Variants in RAPGEF5 observed in about 807,000 individuals in gnomAD.
The protein encoded by RAPGEF5 is Rap guanine nucleotide exchange factor 5.
A neutral mutation model predicts 125.2 loss-of-function variants in RAPGEF5; 65 were observed. The ratio of observed to expected loss-of-function variants is 0.52; its 90% CI spans 0.43 to 0.64. The LOEUF (loss-of-function observed/expected upper bound fraction) is 0.64, where lower values mean the gene tolerates loss of function less well. RAPGEF5 is among the 30% of genes least tolerant of loss of function. The pLI is 0.00. For missense variants in RAPGEF5, 958 were observed against 1,048.1 expected (o/e 0.91, Z 1.19); for synonymous variants, 391 against 385.9 (o/e 1.01, Z -0.16).
In RAPGEF5 at chr7:22,290,622, G is replaced by A. The variant is rs962841613; in HGVS notation, c.747+553C>T. 2.4e-4 allele frequency among the ~76,000 whole-genome samples: 36 copies of A among 151,086 alleles called. No homozygotes were observed. In the East Asian group the frequency reaches 4.5e-3, roughly 19 times the overall value. On this transcript the variant is annotated intron_variant, in intron 6 of 25. Transcript: ENST00000665637. ...TAGCCGGGCGTAGTGGCGGGCGCCT[G>A]TAGTCCCAGCTACTTGGGAGGCTGA...
At position 22,158,084 on chromosome 7, in the gene RAPGEF5, A is replaced by C. The variant is rs141383946; in HGVS notation, c.1527-199T>G. ...TTTCAAATGAGCCAGGAAGTAAAGA[A>C]GTTATGGATTCAACAGATGTACTTT... On this transcript the variant is annotated intron_variant, in intron 14 of 25. Coordinates refer to ENST00000665637, the MANE Select transcript of RAPGEF5 (RefSeq NM_012294.5). Among the ~76,000 whole-genome samples the C allele has an allele frequency of 4.4e-3, 676 of 152,350 alleles. 6 individuals carry two copies. The highest frequency in any genetic ancestry group is 0.016 in the African/African-American group (651 of 41,586).
chr7:22,296,599 G>GTGGTTATGTTA (rs1562514680), intron 5 of RAPGEF5, among the ~76,000 whole-genome samples: 1 of 150,672 alleles, frequency 6.6e-6, no homozygotes, highest in Non-Finnish European at 1.5e-5. Context: ...ATAAAAAAAA[G>GTGGTTATGTTA]TGGTTATGTT....
chr7:22,328,297 T>G, intron 1 of RAPGEF5, among the ~76,000 whole-genome samples: 1 of 152,342 alleles, frequency 6.6e-6, no homozygotes, highest in South Asian at 2.1e-4. Context: ...CTTTTGGACA[T>G]GGGCTATTTC....
chr7:22,273,461 G>A (rs971437628), intron 6 of RAPGEF5, among the ~76,000 whole-genome samples: 21 of 151,398 alleles, frequency 1.4e-4, no homozygotes, highest in Admixed American at 2.6e-4. Flanking sequence ...CTTGTGATCC[G>A]CCCGCCTCGG....
chr7:22,181,656 C>T (rs917370015), intron 11 of RAPGEF5, among the ~76,000 whole-genome samples: 17 of 152,178 alleles, frequency 1.1e-4, no homozygotes, highest in Non-Finnish European at 2.9e-5. Context: ...TCCCACGTTT[C>T]TGTCACCCGT....
At chr7:22,308,233 C>T in intron 5 of RAPGEF5, 106 bp downstream of exon 5, 1 of 1,126,008 alleles carries the variant, frequency 8.9e-7, no homozygotes, top group Admixed American at 3.7e-5. Context: ...GATAGTAACT[C>T]CCTCTTAAGT....
rs1786708169 is a variant in RAPGEF5, at chr7:22,254,605, T to A, written c.796+12359A>T. 2.8e-5 allele frequency among the ~76,000 whole-genome samples: 3 copies of A among 107,460 alleles called. 1 individual carries two copies. The highest frequency in any genetic ancestry group is 1.2e-4 in the African/African-American group (3 of 24,368). 70.5% of individuals were successfully genotyped at this position (107,460 alleles called of 152,430 possible). Reference sequence around the variant, plus strand: ...CCTGGGTGACAAGAGCAAAACTCCGTCTCAAAAAAAAAAAAAAAAAAAAAA... The same window carrying A: ...CCTGGGTGACAAGAGCAAAACTCCGACTCAAAAAAAAAAAAAAAAAAAAAA... On this transcript the variant is annotated intron_variant, in intron 7 of 25. Transcript: ENST00000665637.
rs1365839586 is a variant in RAPGEF5, at chr7:22,286,972, C to G, written c.747+4203G>C. On this transcript the variant is annotated intron_variant, in intron 6 of 25. Transcript: ENST00000665637. ...ACTTGCAGTCGATGAAAAGAGGTTT[C>G]CAAGTTAACAAAATGTGTAGCACCA... Among the ~76,000 whole-genome samples the G allele has an allele frequency of 2.6e-5, 4 of 152,172 alleles. No homozygotes were observed. In the East Asian group the frequency reaches 7.7e-4, roughly 29 times the overall value.
At chr7:22,167,809 G>T (rs780826135) in intron 11 of RAPGEF5, among the ~76,000 whole-genome samples, 2 of 152,102 alleles carry the variant, frequency 1.3e-5, no homozygotes, top group African/African-American at 4.8e-5. Flanking sequence ...AACCAAACCA[G>T]GTTACATTGT....
intron 6 of RAPGEF5, among the ~76,000 whole-genome samples, chr7:22,284,527 C>T (rs1301096117): frequency 1.3e-5 from 2 of 152,214 alleles, no homozygotes; most frequent in African/African-American, 2.4e-5. Context: ...ACTCAATCTG[C>T]CTGGCCCTTC....
chr7:22,353,674 A>G (rs1279933499), intron 1 of RAPGEF5, among the ~76,000 whole-genome samples: 2 of 152,232 alleles, frequency 1.3e-5, no homozygotes, highest in Non-Finnish European at 2.9e-5. Flanking sequence ...TTACTTTGCT[A>G]CTGATTTTTA....
intron 1 of RAPGEF5, among the ~76,000 whole-genome samples, chr7:22,345,479 C>T (rs1171403471): frequency 1.3e-5 from 2 of 151,896 alleles, no homozygotes; most frequent in Admixed American, 6.6e-5. Context: ...ACGGTGAGGC[C>T]GCAGCATATA....
chr7:22,274,477 ACAC>A, intron 6 of RAPGEF5, among the ~76,000 whole-genome samples: 1 of 151,898 alleles, frequency 6.6e-6, no homozygotes, highest in South Asian at 2.1e-4. Context: ...GGACAGGCAC[ACAC>A]CACCAGGCCT....
chr7:22,346,599 T>C (rs971976179), intron 1 of RAPGEF5, among the ~76,000 whole-genome samples: 1 of 152,120 alleles, frequency 6.6e-6, no homozygotes, highest in African/African-American at 2.4e-5. Flanking sequence ...ATCACAAGTA[T>C]TTGCATGTAC....
At chr7:22,210,511 C>T (rs1022760136) in intron 9 of RAPGEF5, among the ~76,000 whole-genome samples, 1 of 152,158 alleles carries the variant, frequency 6.6e-6, no homozygotes, top group East Asian at 1.9e-4. Flanking sequence ...TGCTTTATGA[C>T]TCATTAAGTT....
intron 20 of RAPGEF5, among the ~76,000 whole-genome samples, chr7:22,144,680 A>G (rs1783372745): frequency 6.6e-6 from 1 of 152,118 alleles, no homozygotes; most frequent in Non-Finnish European, 1.5e-5. Context: ...CCTACAATGC[A>G]CCTGACGTGT....
intron 9 of RAPGEF5, among the ~76,000 whole-genome samples, chr7:22,211,592 G>A (rs781056085): frequency 6.6e-6 from 1 of 152,190 alleles, no homozygotes; most frequent in Non-Finnish European, 1.5e-5. Context: ...CATGTATGCT[G>A]GTTACTACTT....
chr7:22,271,222 T>A (rs187255627), intron 6 of RAPGEF5, among the ~76,000 whole-genome samples: 1 of 152,318 alleles, frequency 6.6e-6, no homozygotes, highest in South Asian at 2.1e-4. Context: ...TAAATCAGAA[T>A]CTCGGGATTG....
intron 12 of RAPGEF5, among the ~76,000 whole-genome samples, chr7:22,164,736 G>A (rs1784108949): frequency 6.6e-6 from 1 of 152,114 alleles, no homozygotes; most frequent in Admixed American, 6.6e-5. Context: ...TTTAGCTGCT[G>A]ATGGAAATAA....
Sources: allele counts gnomAD v4.1 joint callset (sites outside exome capture counted in the v4.1 genomes callset), GRCh38; gene constraint gnomAD v4.1.1; transcripts MANE v1.5; gene names NCBI Gene and HGNC (gene_info 2026-07-23, HGNC 2026-07-21).